Variants in VPS13B observed in about 807,000 individuals in gnomAD.
VPS13B encodes the protein vacuolar protein sorting 13 homolog B.
VPS13B carries 285 observed loss-of-function variants against 426.4 expected under a neutral mutation model. The observed-to-expected ratio is 0.67, with a 90% CI of 0.61 to 0.74. VPS13B has a LOEUF of 0.74. Ranked by LOEUF, VPS13B falls within the 30% of genes least tolerant of loss-of-function variation. VPS13B has a pLI of 0.00. For synonymous variants in VPS13B, 1,676 were observed against 1,676.4 expected (o/e 1.00, Z 0.01); for missense variants, 4,537 against 4,782.6 (o/e 0.95, Z 1.51).
At chr8:99,233,149 G>C (rs953237797) in intron 17 of VPS13B, 3 of 1,396,110 alleles carry the variant, frequency 2.1e-6, no homozygotes, top group African/African-American at 2.8e-5. Context: ...AGTCTGGCTA[G>C]CAAAGAAGTG....
rs577936442 is a variant in VPS13B at position 99,383,929 on chromosome 8, A to G, written c.2825-279A>G. 6.6e-5 allele frequency among the ~76,000 whole-genome samples: 10 copies of G among 152,318 alleles called. No individual in the cohort carries two copies. The South Asian group carries it at 1.4e-3, about 22-fold the overall frequency. On this transcript the variant is annotated intron_variant, in intron 19 of 61. Transcript: ENST00000357162. Reference sequence around the variant, plus strand: ...ATTATGCTGATATGAGCATTTGAATACAAGTTTTTGTGTGGGCATAAGTTT... The same window carrying G: ...ATTATGCTGATATGAGCATTTGAATGCAAGTTTTTGTGTGGGCATAAGTTT...
At position 99,241,913 on chromosome 8, in the gene VPS13B, A is replaced by G. The variant is rs1421785899; in HGVS notation, c.2516-32285A>G. Reference sequence around the variant, plus strand: ...CTTTTGTTTAAAATTAGTGCTGGATATATTCATTTTCTCTAAGAACCATCA... The same window carrying G: ...CTTTTGTTTAAAATTAGTGCTGGATGTATTCATTTTCTCTAAGAACCATCA... On this transcript the variant is annotated intron_variant, in intron 17 of 61. Coordinates refer to ENST00000357162, the MANE Select transcript of VPS13B (RefSeq NM_152564.5). Among the ~76,000 whole-genome samples, 2 of 152,284 alleles carry G rather than the reference A, an allele frequency of 1.3e-5. 1 individual carries two copies. Among genetic ancestry groups the G allele is most frequent in the Middle Eastern group, 6.8e-3 (2 of 294 alleles).
intron 33 of VPS13B, among the ~76,000 whole-genome samples, chr8:99,631,219 A>G (rs990722742): frequency 2.6e-5 from 4 of 152,094 alleles, no homozygotes; most frequent in Admixed American, 1.3e-4. Context: ...CTTCCCAAGA[A>G]TTTGTGTCTC....
Position 99,490,280 on chromosome 8 carries a change from G to A in VPS13B, c.3870+8478G>A, listed in dbSNP as rs544251039. On this transcript the variant is annotated intron_variant, in intron 25 of 61. Coordinates refer to ENST00000357162, the MANE Select transcript of VPS13B (RefSeq NM_152564.5). ...GTGATTGTGGTGGATAAGCTTTTTG[G>A]TGTGCTGCTGGATTCGGTTTGCCAG... 2.5e-3 allele frequency among the ~76,000 whole-genome samples: 374 copies of A among 152,200 alleles called. No individual in the cohort carries two copies. In the Middle Eastern group the frequency reaches 0.027, roughly 11 times the overall value.
intron 33 of VPS13B, among the ~76,000 whole-genome samples, chr8:99,582,596 G>A (rs1826117017): frequency 6.6e-6 from 1 of 152,044 alleles, no homozygotes; most frequent in Admixed American, 6.5e-5. Context: ...AATTAATGTA[G>A]TGTGATAATA....
chr8:99,117,613 A>G lies in VPS13B; in HGVS notation c.937+1739A>G, dbSNP rs568298708. 2.4e-4 allele frequency among the ~76,000 whole-genome samples: 37 copies of G among 152,332 alleles called. No homozygotes were observed. In the Middle Eastern group the frequency reaches 0.031, roughly 126 times the overall value. Reference sequence around the variant, plus strand: ...ATACATTGGAGTATTATTTAGCTGTACAAAAAAATGAAATACTGATATAGG... The same window carrying G: ...ATACATTGGAGTATTATTTAGCTGTGCAAAAAAATGAAATACTGATATAGG... On this transcript the variant is annotated intron_variant, in intron 7 of 61. Coordinates refer to ENST00000357162, the MANE Select transcript of VPS13B (RefSeq NM_152564.5).
chr8:99,074,114 TTGAG>T (rs1031905764), intron 3 of VPS13B, among the ~76,000 whole-genome samples: 1 of 152,150 alleles, frequency 6.6e-6, no homozygotes, highest in Admixed American at 6.5e-5. Flanking sequence ...CTGTACTGTG[TTGAG>T]TAAGAATGGT....
chr8:99,713,269 A>G (rs1358122295), intron 36 of VPS13B, among the ~76,000 whole-genome samples: 1 of 152,230 alleles, frequency 6.6e-6, no homozygotes, highest in African/African-American at 2.4e-5. Flanking sequence ...TGTCAAGCCC[A>G]TTCCTAAAGA....
At chr8:99,429,475 C>T (rs1215920196) in intron 21 of VPS13B, 1 of 151,750 alleles carries the variant, frequency 6.6e-6, no homozygotes, top group African/African-American at 2.4e-5. Context: ...TATCTATTTG[C>T]CACCTTATAT....
Position 99,154,878 on chromosome 8 carries a change from A to G in VPS13B, c.2014-1671A>G, listed in dbSNP as rs181409539. Among the ~76,000 whole-genome samples, 705 of 152,210 alleles carry G rather than the reference A, an allele frequency of 4.6e-3. 3 individuals are homozygous for G. Among genetic ancestry groups the G allele is most frequent in the Middle Eastern group, 0.01 (3 of 294 alleles). On this transcript the variant is annotated intron_variant, in intron 14 of 61. Coordinates refer to ENST00000357162, the MANE Select transcript of VPS13B (RefSeq NM_152564.5). ...AAGCCTCTATAATTTTTTACCCATGATGTCATCTGCTTGATACAAAATTAT... is the reference window on the plus strand; with the variant it reads ...AAGCCTCTATAATTTTTTACCCATGGTGTCATCTGCTTGATACAAAATTAT...
chr8:99,593,104 A>C (rs578063576), intron 33 of VPS13B, among the ~76,000 whole-genome samples: 1 of 152,276 alleles, frequency 6.6e-6, no homozygotes, highest in Non-Finnish European at 1.5e-5. Flanking sequence ...AGCAATAGAA[A>C]CTATCATCAG....
At chr8:99,314,641 G>A (rs1039939704) in intron 19 of VPS13B, among the ~76,000 whole-genome samples, 3 of 152,056 alleles carry the variant, frequency 2.0e-5, no homozygotes, top group African/African-American at 7.2e-5. Context: ...TCTAGAGGTG[G>A]AGTCTTGCTG....
chr8:99,345,043 A>T (rs1811463438), intron 19 of VPS13B, among the ~76,000 whole-genome samples: 1 of 152,090 alleles, frequency 6.6e-6, no homozygotes, highest in Non-Finnish European at 1.5e-5. Flanking sequence ...CTTTGGTGTT[A>T]GTTAGGAATC....
chr8:99,459,802 T>C (rs1218660059), intron 23 of VPS13B, among the ~76,000 whole-genome samples: 1 of 152,182 alleles, frequency 6.6e-6, no homozygotes, highest in African/African-American at 2.4e-5. Flanking sequence ...TAGATGTATA[T>C]GTACCTATAG....
chr8:99,350,817 T>C (rs1386531212), intron 19 of VPS13B, among the ~76,000 whole-genome samples: 1 of 151,558 alleles, frequency 6.6e-6, no homozygotes, highest in African/African-American at 2.4e-5. Context: ...ATATGCAATA[T>C]GAATTATATA....
chr8:99,136,629 A>G, intron 11 of VPS13B, 36 bp from the exon 12 acceptor site: 1 of 1,609,476 alleles, frequency 6.2e-7, no homozygotes, highest in Non-Finnish European at 8.5e-7. Flanking sequence ...TTTCTTTTAT[A>G]CAATGTTTAT....
At chr8:99,711,021 G>C (rs1832690370) in intron 36 of VPS13B, among the ~76,000 whole-genome samples, 1 of 151,766 alleles carries the variant, frequency 6.6e-6, no homozygotes, top group East Asian at 1.9e-4. Context: ...ATAAATACTG[G>C]TTCCAAGATT....
chr8:99,668,600 G>T (rs1830580088), intron 35 of VPS13B, among the ~76,000 whole-genome samples: 1 of 151,850 alleles, frequency 6.6e-6, no homozygotes, highest in South Asian at 2.1e-4. Flanking sequence ...TCACCTAATG[G>T]TACCTTAATA....
At chr8:99,637,664 G>A (rs1389845306) in intron 33 of VPS13B, among the ~76,000 whole-genome samples, 1 of 152,080 alleles carries the variant, frequency 6.6e-6, no homozygotes, top group Non-Finnish European at 1.5e-5. Flanking sequence ...ATATAGGCTG[G>A]ATGCTAAATT....
Sources: gnomAD v4.1 joint callset for allele counts (sites outside exome capture counted in the v4.1 genomes callset) on GRCh38, gnomAD v4.1.1 for gene constraint, MANE v1.5 for transcripts, NCBI Gene and HGNC (gene_info 2026-07-23, HGNC 2026-07-21) for gene names.